The following CSMD3 variants were observed in gnomAD, a reference collection of about 807,000 sequenced individuals.
CSMD3 encodes the protein CUB and sushi domain-containing protein 3.
Under a neutral mutation model 435.2 loss-of-function variants are expected in CSMD3, and 177 were observed. The ratio of observed to expected loss-of-function variants is 0.41; its 90% CI spans 0.36 to 0.46. The LOEUF (loss-of-function observed/expected upper bound fraction) is 0.46, where lower values mean the gene tolerates loss of function less well. CSMD3 is among the 20% of genes least tolerant of loss of function. The pLI is 0.34. For missense variants in CSMD3, 4,265 were observed against 4,504.6 expected (o/e 0.95, Z 1.52); for synonymous variants, 1,656 against 1,520.5 (o/e 1.09, Z -2.07).
chr8:113,328,727 C>CTT (rs1554611986), intron 1 of CSMD3, among the ~76,000 whole-genome samples: 3 of 87,322 alleles, frequency 3.4e-5, no homozygotes, highest in African/African-American at 1.1e-4. Flanking sequence ...TCTTTCCTTC[C>CTT]TTCTTTTCTT....
At chr8:113,012,898 A>C (rs1250953116) in intron 6 of CSMD3, among the ~76,000 whole-genome samples, 1 of 152,024 alleles carries the variant, frequency 6.6e-6, no homozygotes, top group African/African-American at 2.4e-5. Flanking sequence ...AATACAACTC[A>C]TATTGAGAGT....
At chr8:113,071,002 A>G (rs1222691679) in intron 5 of CSMD3, among the ~76,000 whole-genome samples, 2 of 151,954 alleles carry the variant, frequency 1.3e-5, no homozygotes, top group Non-Finnish European at 2.9e-5. Flanking sequence ...CCTTTATCTA[A>G]TAGCCATTCT....
intron 1 of CSMD3, among the ~76,000 whole-genome samples, chr8:113,361,686 C>A (rs2094277730): frequency 7.0e-6 from 1 of 143,680 alleles, no homozygotes; most frequent in African/African-American, 2.6e-5. Flanking sequence ...TTAATAACAT[C>A]ATTGGTCATC....
At chr8:112,637,319 T>C (rs148956864) in intron 21 of CSMD3, among the ~76,000 whole-genome samples, 3,214 of 152,306 alleles carry the variant, frequency 0.021, 120 homozygotes, top group African/African-American at 0.073. Context: ...TTATTTCATA[T>C]ATTTTCGACT....
intron 31 of CSMD3, 145 bp downstream of exon 31, chr8:112,492,344 A>T: frequency 1.4e-6 from 1 of 704,600 alleles, no homozygotes; most frequent in Non-Finnish European, 2.4e-6. Flanking sequence ...TCAACTTTAA[A>T]ATGTTTGATA....
At chr8:113,423,414 A>G (rs1237944548) in intron 1 of CSMD3, among the ~76,000 whole-genome samples, 1 of 152,012 alleles carries the variant, frequency 6.6e-6, no homozygotes, top group East Asian at 1.9e-4. Context: ...TCTCCACTGC[A>G]TTTTAGGCAA....
chr8:113,188,404 T>G (rs1353572109), intron 3 of CSMD3, among the ~76,000 whole-genome samples: 1 of 151,968 alleles, frequency 6.6e-6, no homozygotes, highest in Admixed American at 6.6e-5. Context: ...ATGAGAAATC[T>G]CAAATTATTT....
chr8:112,409,257 A>G (rs1024410761), intron 32 of CSMD3, among the ~76,000 whole-genome samples: 6 of 152,090 alleles, frequency 3.9e-5, no homozygotes, highest in Admixed American at 6.6e-5. Context: ...TAAAATATTA[A>G]GACAACAATT....
chr8:112,421,561 T>TTA (rs3028669), intron 32 of CSMD3, among the ~76,000 whole-genome samples: 117,825 of 144,558 alleles, frequency 0.82, 48,569 homozygotes, highest in African/African-American at 0.93. Flanking sequence ...TATATATATG[T>TTA]TATATATATG....
intron 5 of CSMD3, among the ~76,000 whole-genome samples, chr8:113,039,365 A>AC (rs1234278342): frequency 6.6e-6 from 1 of 152,188 alleles, no homozygotes; most frequent in Non-Finnish European, 1.5e-5. Flanking sequence ...GAACAGGAAG[A>AC]CCCTTAATTA....
intron 27 of CSMD3, among the ~76,000 whole-genome samples, chr8:112,549,546 G>A (rs1446657314): frequency 6.6e-6 from 1 of 151,900 alleles, no homozygotes; most frequent in Admixed American, 6.6e-5. Flanking sequence ...CTGTATAATT[G>A]TTTACTTAAA....
At chr8:112,516,959 GT>G in intron 28 of CSMD3, 74 bp downstream of exon 28, 1 of 1,152,108 alleles carries the variant, frequency 8.7e-7, no homozygotes, top group Non-Finnish European at 1.3e-6. Context: ...CTAGAATATG[GT>G]TCTTAAGAAC....
intron 5 of CSMD3, among the ~76,000 whole-genome samples, chr8:113,087,387 C>T (rs2089830737): frequency 6.6e-6 from 1 of 151,918 alleles, no homozygotes. Context: ...CAAAAAAGAG[C>T]CCGCATCACC....
At chr8:113,084,945 T>C (rs1387916262) in intron 5 of CSMD3, among the ~76,000 whole-genome samples, 3 of 151,990 alleles carry the variant, frequency 2.0e-5, no homozygotes, top group Non-Finnish European at 2.9e-5. Flanking sequence ...TATCTCTCTC[T>C]ATTTAAAAAA....
chr8:113,231,554 C>T (rs760918856), intron 3 of CSMD3, among the ~76,000 whole-genome samples: 12 of 151,266 alleles, frequency 7.9e-5, no homozygotes, highest in Non-Finnish European at 1.3e-4. Flanking sequence ...TTATTGTGAT[C>T]AATTTTAATT....
intron 32 of CSMD3, among the ~76,000 whole-genome samples, chr8:112,413,163 TC>T (rs1811534467): frequency 6.6e-6 from 1 of 152,142 alleles, no homozygotes; most frequent in African/African-American, 2.4e-5. Context: ...ATAACCTTTA[TC>T]CCAATTTTAA....
At chr8:112,612,325 C>T (rs1277747624) in intron 22 of CSMD3, among the ~76,000 whole-genome samples, 1 of 152,138 alleles carries the variant, frequency 6.6e-6, no homozygotes, top group Non-Finnish European at 1.5e-5. Flanking sequence ...TTTCATTGGT[C>T]TTCACCACAG....
At chr8:112,675,634 G>A (rs1366811674) in intron 16 of CSMD3, among the ~76,000 whole-genome samples, 1 of 152,062 alleles carries the variant, frequency 6.6e-6, no homozygotes, top group African/African-American at 2.4e-5. Context: ...GGCACAGGTG[G>A]ACTGAACAAC....
intron 7 of CSMD3, among the ~76,000 whole-genome samples, chr8:112,955,242 T>G (rs1033428533): frequency 2.6e-5 from 4 of 151,726 alleles, no homozygotes; most frequent in Admixed American, 2.6e-4. Flanking sequence ...TAGAAAAGTT[T>G]AAAATTTATT....
Sources: allele counts gnomAD v4.1 joint callset (sites outside exome capture counted in the v4.1 genomes callset), GRCh38; gene constraint gnomAD v4.1.1; transcripts MANE v1.5; gene names NCBI Gene and HGNC (gene_info 2026-07-23, HGNC 2026-07-21).